The following CACNA1C variants were observed in gnomAD, a reference collection of about 807,000 sequenced individuals.
CACNA1C encodes voltage-dependent L-type calcium channel subunit alpha-1C.
In CACNA1C, 30 loss-of-function variants were observed where a neutral mutation model predicts 229.0. The ratio of observed to expected loss-of-function variants is 0.13; its 90% confidence interval spans 0.10 to 0.18. The LOEUF is 0.18. Among genes scored for constraint, CACNA1C ranks in the 10% least tolerant of loss-of-function variants. The pLI, the probability that CACNA1C is intolerant of heterozygous loss-of-function variation, is 1.00. For synonymous variants in CACNA1C, 1,114 were observed against 1,132.5 expected (o/e 0.98, Z 0.33); for missense variants, 1,658 against 2,845.0 (o/e 0.58, Z 9.49).
chr12:2,360,156 A>AACCC (rs1567233026), intron 3 of CACNA1C, among the ~76,000 whole-genome samples: 1 of 57,020 alleles, frequency 1.8e-5, no homozygotes. Flanking sequence ...AACACACCCC[A>AACCC]CCCCCCCCCA....
intron 31 of CACNA1C, among the ~76,000 whole-genome samples, chr12:2,650,189 G>A (rs1436163731): frequency 6.6e-6 from 1 of 152,192 alleles, no homozygotes; most frequent in African/African-American, 2.4e-5. Flanking sequence ...AGCAGGAGAG[G>A]TCTCTGGCTT....
intron 1 of CACNA1C, among the ~76,000 whole-genome samples, chr12:2,099,926 C>A (rs1196488927): frequency 6.6e-6 from 1 of 152,164 alleles, no homozygotes; most frequent in Non-Finnish European, 1.5e-5. Flanking sequence ...GTGTTATTAT[C>A]TGCTTTTTAC....
intron 9 of CACNA1C, among the ~76,000 whole-genome samples, chr12:2,532,939 C>T (rs561741534): frequency 6.6e-6 from 1 of 152,160 alleles, no homozygotes; most frequent in Admixed American, 6.5e-5. Context: ...AGACAGTGGT[C>T]CCTGTTCTCT....
At chr12:2,169,156 C>T (rs552486839) in intron 3 of CACNA1C, among the ~76,000 whole-genome samples, 1 of 152,294 alleles carries the variant, frequency 6.6e-6, no homozygotes, top group South Asian at 2.1e-4. Flanking sequence ...CGATCCCGCA[C>T]TCAGTTCGTG....
intron 3 of CACNA1C, among the ~76,000 whole-genome samples, chr12:2,333,539 T>G (rs1448511213): frequency 1.3e-5 from 2 of 152,246 alleles, no homozygotes; most frequent in East Asian, 3.8e-4. Flanking sequence ...ACTGTATGCC[T>G]GTGCATAGGA....
rs1171225499 is a variant in CACNA1C at position 2,566,792 on chromosome 12, C to A, written c.1669+210C>A. On this transcript the variant is annotated intron_variant, in intron 12 of 46. Coordinates refer to ENST00000399655, the MANE Select transcript of CACNA1C (RefSeq NM_000719.7). This position sits in a 1 kb window ranked among gnomAD's most constrained non-coding sequence, Gnocchi z 4.0. ...CCTTGTTAAAAACAGACACGGCTCTCCTGACTGGGCCCACACCATCAGCCT... is the reference window on the plus strand; with the variant it reads ...CCTTGTTAAAAACAGACACGGCTCTACTGACTGGGCCCACACCATCAGCCT... 6.6e-6 allele frequency among the ~76,000 whole-genome samples: 1 copy of A among 152,210 alleles called. No homozygotes were observed. Among genetic ancestry groups the A allele is most frequent in the Non-Finnish European group, 1.5e-5 (1 of 68,034 alleles).
chr12:1,971,274 C>T lies in CACNA1C; in HGVS notation c.139+73C>T. ...TTTACTCTAAATATCCTAATGATAC[C>T]TAGAATGTGACTTCCTCACTCTAAG... is the stretch of plus-strand genomic sequence containing the variant. On this transcript the variant is annotated intron_variant, in intron 1 of 46. Coordinates refer to the CACNA1C transcript ENST00000682462. This position sits in a 1 kb window ranked among gnomAD's most constrained non-coding sequence, Gnocchi z 4.2. 2.6e-6 allele frequency: 2 copies of T among 771,106 alleles called. No homozygotes were observed. The highest frequency in any genetic ancestry group is 3.1e-5 in the South Asian group (2 of 64,478). The allele number at this position is 771,106 out of a possible 1,614,324, so 47.8% of individuals were successfully genotyped here. A position where few individuals can be genotyped will look rare whatever the true frequency, so the allele number is the denominator to read the frequency against.
At chr12:2,102,484 T>C (rs959572279) in intron 1 of CACNA1C, among the ~76,000 whole-genome samples, 3 of 152,096 alleles carry the variant, frequency 2.0e-5, no homozygotes, top group Non-Finnish European at 1.5e-5. Flanking sequence ...GGGGCATTCT[T>C]CCCCACTGTC....
At chr12:2,217,250 G>A (rs1299388279) in intron 3 of CACNA1C, among the ~76,000 whole-genome samples, 2 of 152,202 alleles carry the variant, frequency 1.3e-5, no homozygotes, top group South Asian at 4.1e-4. Flanking sequence ...CCAGGGGCTG[G>A]TGCAGGGGGA....
At chr12:2,404,225 A>C (rs1403829489) in intron 3 of CACNA1C, among the ~76,000 whole-genome samples, 1 of 152,206 alleles carries the variant, frequency 6.6e-6, no homozygotes, top group Non-Finnish European at 1.5e-5. Flanking sequence ...GCTCTTCAGC[A>C]CTGCCGGAGC....
intron 3 of CACNA1C, among the ~76,000 whole-genome samples, chr12:2,356,180 C>G: frequency 6.6e-6 from 1 of 152,226 alleles, no homozygotes; most frequent in Admixed American, 6.5e-5. Flanking sequence ...GAAGTGGCCT[C>G]CGTGACCTAG....
At chr12:2,644,144 T>C (rs575344681) in intron 30 of CACNA1C, among the ~76,000 whole-genome samples, 1 of 152,350 alleles carries the variant, frequency 6.6e-6, no homozygotes, top group Non-Finnish European at 1.5e-5. Context: ...GACATTACTT[T>C]TGACATCTGT....
At chr12:2,322,951 G>T (rs1454687661) in intron 3 of CACNA1C, among the ~76,000 whole-genome samples, 1 of 152,210 alleles carries the variant, frequency 6.6e-6, no homozygotes, top group African/African-American at 2.4e-5. Context: ...CTGTCCCGAC[G>T]CTGTCTGTTC....
chr12:2,643,611 C>T (rs562250705), intron 30 of CACNA1C, among the ~76,000 whole-genome samples: 2 of 152,258 alleles, frequency 1.3e-5, no homozygotes, highest in South Asian at 4.2e-4. Context: ...TGTCTTGCCC[C>T]GCTGCCATAC....
intron 3 of CACNA1C, among the ~76,000 whole-genome samples, chr12:2,304,216 G>T (rs2094821512): frequency 6.6e-6 from 1 of 152,182 alleles, no homozygotes; most frequent in African/African-American, 2.4e-5. Context: ...GTGGATTCCA[G>T]TGGGCTGCCA....
At chr12:2,063,254 C>T (rs761678741) in intron 1 of CACNA1C, among the ~76,000 whole-genome samples, 5 of 151,622 alleles carry the variant, frequency 3.3e-5, no homozygotes, top group Non-Finnish European at 5.9e-5. Flanking sequence ...CTGGTTCAAG[C>T]GATTCTCCTG....
chr12:1,998,076 T>A, intron 1 of CACNA1C: 2 of 991,900 alleles, frequency 2.0e-6, no homozygotes, highest in Non-Finnish European at 3.0e-6. Context: ...ATAACTTCAA[T>A]GGGCCAAATA....
At chr12:2,232,149 A>G (rs1347068357) in intron 3 of CACNA1C, among the ~76,000 whole-genome samples, 1 of 150,936 alleles carries the variant, frequency 6.6e-6, no homozygotes, top group Non-Finnish European at 1.5e-5. Context: ...TGCAGATCCA[A>G]TCCAAGATCC....
chr12:2,563,453 G>C (rs191201906), intron 11 of CACNA1C, among the ~76,000 whole-genome samples: 114 of 152,288 alleles, frequency 7.5e-4, no homozygotes, highest in African/African-American at 2.7e-3. Flanking sequence ...GGCCAGTGTC[G>C]CATGTTAAGG....
Sources: gnomAD v4.1 joint callset for allele counts (sites outside exome capture counted in the v4.1 genomes callset) on GRCh38, gnomAD v4.1.1 for gene constraint, Gnocchi (gnomAD v3.1) non-coding constraint, MANE v1.5 for transcripts, NCBI Gene and HGNC (gene_info 2026-07-23, HGNC 2026-07-21) for gene names.